ZFPM2: variants seen among roughly 807,000 people sequenced by gnomAD.
The protein encoded by ZFPM2 is zinc finger protein ZFPM2.
In ZFPM2, 20 loss-of-function variants were observed where a neutral mutation model predicts 98.6. The observed-to-expected ratio is 0.20, with a 90% CI of 0.14 to 0.29. The LOEUF is 0.29. ZFPM2 is among the 10% of genes least tolerant of loss of function. The pLI, the probability that ZFPM2 is intolerant of heterozygous loss-of-function variation, is 1.00. For missense variants in ZFPM2, 1,310 were observed against 1,388.6 expected (o/e 0.94, Z 0.90); for synonymous variants, 518 against 502.7 (o/e 1.03, Z -0.41).
chr8:105,776,089 GAAAA>G (rs761794025), intron 5 of ZFPM2, among the ~76,000 whole-genome samples: 1 of 139,794 alleles, frequency 7.2e-6, no homozygotes, highest in Non-Finnish European at 1.6e-5. Context: ...TTCTTACAAG[GAAAA>G]AAAAAAAAAG....
At chr8:105,330,553 C>CACATAT (rs1554594962) in intron 1 of ZFPM2, among the ~76,000 whole-genome samples, 6 of 92,410 alleles carry the variant, frequency 6.5e-5, no homozygotes, top group African/African-American at 2.3e-4. Flanking sequence ...TATATATATA[C>CACATAT]ATATATATAT....
Position 105,604,789 on chromosome 8 carries a change from A to G in ZFPM2, c.421-29457A>G, listed in dbSNP as rs1350610920. Reference sequence around the variant, plus strand: ...CGAACTTAAACAGATCAAGCAAACAAGACTCTGTTATTGTCTCTTTATATC... The same window carrying G: ...CGAACTTAAACAGATCAAGCAAACAGGACTCTGTTATTGTCTCTTTATATC... On this transcript the variant is annotated intron_variant, in intron 4 of 7. Transcript: ENST00000407775. 2.6e-5 allele frequency among the ~76,000 whole-genome samples: 4 copies of G among 152,088 alleles called. No individual in the cohort carries two copies. The East Asian group carries it at 5.8e-4, about 22-fold the overall frequency.
intron 5 of ZFPM2, among the ~76,000 whole-genome samples, chr8:105,708,305 G>T (rs1383635534): frequency 6.6e-6 from 1 of 152,106 alleles, no homozygotes; most frequent in East Asian, 1.9e-4. Context: ...TTAGGATTTT[G>T]TATAATAAAG....
intron 4 of ZFPM2, among the ~76,000 whole-genome samples, chr8:105,588,127 G>A (rs1327810137): frequency 3.3e-5 from 5 of 151,992 alleles, no homozygotes; most frequent in African/African-American, 1.2e-4. Flanking sequence ...ATAAAATATT[G>A]TTTGAATTTG....
At chr8:105,414,236 A>C (rs1811634155) in intron 1 of ZFPM2, among the ~76,000 whole-genome samples, 2 of 152,142 alleles carry the variant, frequency 1.3e-5, no homozygotes, top group South Asian at 4.1e-4. Flanking sequence ...TTTAAGAGAG[A>C]AGATCCCTTT....
chr8:105,467,050 T>A (rs1344067787), intron 3 of ZFPM2, among the ~76,000 whole-genome samples: 1 of 151,998 alleles, frequency 6.6e-6, no homozygotes, highest in Non-Finnish European at 1.5e-5. Flanking sequence ...TTAAACAAGG[T>A]CAAGAGAAAC....
In ZFPM2 at chr8:105,477,210, G is replaced by A. The variant is rs550883012; in HGVS notation, c.301+32829G>A. On this transcript the variant is annotated intron_variant, in intron 3 of 7. Coordinates refer to ENST00000407775, the MANE Select transcript of ZFPM2 (RefSeq NM_012082.4). ...ACTGAACAACAATGAAATAATTTCA[G>A]TTAAGTGATTTCTTTCTGCTAGCAA... is the stretch of plus-strand genomic sequence containing the variant. 4.1e-3 allele frequency among the ~76,000 whole-genome samples: 575 copies of A among 139,250 alleles called. 2 individuals are homozygous for A. The highest frequency in any genetic ancestry group is 7.4e-3 in the Middle Eastern group (2 of 270). The allele number at this position is 139,250 out of a possible 152,430, so 91.4% of individuals were successfully genotyped here.
intron 4 of ZFPM2, among the ~76,000 whole-genome samples, chr8:105,577,917 T>C (rs1815503608): frequency 6.6e-6 from 1 of 152,068 alleles, no homozygotes; most frequent in Non-Finnish European, 1.5e-5. Context: ...TAACCTTAAC[T>C]AAGATGGTAT....
At chr8:105,418,898 G>A (rs1365898227) in intron 1 of ZFPM2, 7 of 570,942 alleles carry the variant, frequency 1.2e-5, no homozygotes, top group African/African-American at 7.6e-5. Flanking sequence ...GGGTGGGGAC[G>A]CAATGGAGAT....
At chr8:105,442,185 A>AG (rs1314636313) in intron 2 of ZFPM2, among the ~76,000 whole-genome samples, 2 of 151,320 alleles carry the variant, frequency 1.3e-5, no homozygotes, top group Non-Finnish European at 1.5e-5. Flanking sequence ...TACAAAAAAA[A>AG]AAAAAAAAAT....
At chr8:105,698,984 G>T (rs1009343269) in intron 5 of ZFPM2, among the ~76,000 whole-genome samples, 4 of 151,996 alleles carry the variant, frequency 2.6e-5, no homozygotes, top group Non-Finnish European at 5.9e-5. Context: ...TTAATACATT[G>T]ACCTAAGCCA....
intron 5 of ZFPM2, among the ~76,000 whole-genome samples, chr8:105,659,157 C>T (rs1391085884): frequency 6.6e-6 from 1 of 151,914 alleles, no homozygotes; most frequent in Non-Finnish European, 1.5e-5. Context: ...AAAGAACAGT[C>T]TTAGAATATG....
At chr8:105,754,977 TGTGTG>T (rs1281795024) in intron 5 of ZFPM2, among the ~76,000 whole-genome samples, 18 of 150,534 alleles carry the variant, frequency 1.2e-4, no homozygotes, top group Admixed American at 9.3e-4. Context: ...TGTGTGTGTG[TGTGTG>T]TGCACGTGCG....
intron 1 of ZFPM2, among the ~76,000 whole-genome samples, chr8:105,350,455 A>C (rs1393078323): frequency 6.6e-6 from 1 of 152,234 alleles, no homozygotes. Context: ...TCATAGAATA[A>C]ATAATCAGAT....
At chr8:105,534,453 T>TCCTTCCTTCCTC (rs1814407141) in intron 3 of ZFPM2, among the ~76,000 whole-genome samples, 1 of 142,512 alleles carries the variant, frequency 7.0e-6, no homozygotes, top group Non-Finnish European at 1.5e-5. Context: ...CTCTCTTCCT[T>TCCTTCCTTCCTC]CCTTCCTTCC....
chr8:105,702,412 G>A (rs1050444690), intron 5 of ZFPM2, among the ~76,000 whole-genome samples: 1 of 152,192 alleles, frequency 6.6e-6, no homozygotes, highest in African/African-American at 2.4e-5. Context: ...TTGCTGTGTT[G>A]CATCAAGAAA....
intron 4 of ZFPM2, among the ~76,000 whole-genome samples, chr8:105,607,622 G>A (rs1816222252): frequency 6.6e-6 from 1 of 151,944 alleles, no homozygotes; most frequent in Admixed American, 6.6e-5. Flanking sequence ...GCAACAGATG[G>A]CCTCCCCTTA....
chr8:105,403,508 C>T (rs779303289), intron 1 of ZFPM2, among the ~76,000 whole-genome samples: 6 of 151,756 alleles, frequency 4.0e-5, no homozygotes, highest in Non-Finnish European at 2.9e-5. Context: ...AAAAATCTTA[C>T]GGAAAACATG....
intron 5 of ZFPM2, among the ~76,000 whole-genome samples, chr8:105,655,215 C>T (rs1266149912): frequency 1.4e-5 from 2 of 142,108 alleles, no homozygotes; most frequent in Non-Finnish European, 3.1e-5. Context: ...TATTTTCTTG[C>T]ATTGAGTCTT....
Sources: allele counts gnomAD v4.1 joint callset (sites outside exome capture counted in the v4.1 genomes callset), GRCh38; gene constraint gnomAD v4.1.1; transcripts MANE v1.5; gene names NCBI Gene and HGNC (gene_info 2026-07-23, HGNC 2026-07-21).